HPCAL1: variants seen among roughly 807,000 people sequenced by gnomAD.
HPCAL1 encodes hippocalcin-like protein 1.
A neutral mutation model predicts 17.1 loss-of-function variants in HPCAL1; 8 were observed. That is an observed-to-expected ratio of 0.47 (90% confidence interval 0.27 to 0.84). The LOEUF (loss-of-function observed/expected upper bound fraction) is 0.84, where lower values mean the gene tolerates loss of function less well. Ranked by LOEUF, HPCAL1 falls within the 40% of genes least tolerant of loss-of-function variation. HPCAL1 has a pLI of 0.13. For missense variants in HPCAL1, 165 were observed against 271.1 expected (o/e 0.61, Z 2.75); for synonymous variants, 112 against 111.4 (o/e 1.01, Z -0.03).
At chr2:10,349,563 C>T (rs1172735315) in intron 1 of HPCAL1, among the ~76,000 whole-genome samples, 1 of 151,286 alleles carries the variant, frequency 6.6e-6, no homozygotes, top group Non-Finnish European at 1.5e-5. Context: ...ATTAGCTGGG[C>T]GTGGTGGCGG....
intron 1 of HPCAL1, among the ~76,000 whole-genome samples, chr2:10,313,609 G>A (rs527429739): frequency 3.3e-5 from 5 of 152,314 alleles, no homozygotes; most frequent in African/African-American, 1.2e-4. Flanking sequence ...GGTTGGCAGA[G>A]TGACTCCCAT....
rs1484752709 is a variant in HPCAL1 at position 10,359,309 on chromosome 2, G to GAAAA, written c.-110-37525_-110-37524insAAAA. ...GAGGTGGGCAGCTGGGGGCTCTCTGGACCCTGCGGCTGGCATGGGTTAGTG... is the reference window on the plus strand; with the variant it reads ...GAGGTGGGCAGCTGGGGGCTCTCTGGAAAAACCCTGCGGCTGGCATGGGTTAGTG... On this transcript the variant is annotated intron_variant, in intron 1 of 4. Coordinates refer to ENST00000307845, the MANE Select transcript of HPCAL1 (RefSeq NM_002149.4). The surrounding 1 kb of genome is among the most constrained non-coding windows in gnomAD (Gnocchi z 4.1). Among the ~76,000 whole-genome samples the GAAAA allele has an allele frequency of 6.6e-6, 1 of 152,190 alleles. No homozygotes were observed. The highest frequency in any genetic ancestry group is 1.5e-5 in the Non-Finnish European group (1 of 68,024).
At chr2:10,333,381 C>T (rs1055094034) in intron 1 of HPCAL1, among the ~76,000 whole-genome samples, 6 of 152,146 alleles carry the variant, frequency 3.9e-5, no homozygotes, top group African/African-American at 1.4e-4. Flanking sequence ...ACAACTTCCT[C>T]CTTTCAGCAA....
At chr2:10,357,510 T>C (rs1434703619) in intron 1 of HPCAL1, among the ~76,000 whole-genome samples, 1 of 152,172 alleles carries the variant, frequency 6.6e-6, no homozygotes, top group East Asian at 1.9e-4. Flanking sequence ...CATGGCAGAA[T>C]TCTGCTCTGA....
At chr2:10,368,333 C>T (rs971794956) in intron 1 of HPCAL1, among the ~76,000 whole-genome samples, 2 of 149,814 alleles carry the variant, frequency 1.3e-5, no homozygotes, top group Admixed American at 6.6e-5. Flanking sequence ...GGTGTGTGTG[C>T]AGTGTGTGTA....
At chr2:10,305,510 T>C (rs1662565942) in intron 1 of HPCAL1, among the ~76,000 whole-genome samples, 2 of 152,244 alleles carry the variant, frequency 1.3e-5, no homozygotes, top group Non-Finnish European at 2.9e-5. Flanking sequence ...TAGCCTTGCC[T>C]GCTCCCTCTG....
intron 1 of HPCAL1, among the ~76,000 whole-genome samples, chr2:10,329,857 G>A (rs1664247744): frequency 6.6e-6 from 1 of 152,230 alleles, no homozygotes; most frequent in African/African-American, 2.4e-5. Flanking sequence ...ACATCAGCTC[G>A]GCCTCAGATT....
chr2:10,407,070 C>T (rs567549841), intron 2 of HPCAL1, among the ~76,000 whole-genome samples: 1 of 152,230 alleles, frequency 6.6e-6, no homozygotes, highest in East Asian at 1.9e-4. Context: ...TGGAGAGTAG[C>T]AGGAAGTCCC....
chr2:10,358,654 A>G (rs552341837), intron 1 of HPCAL1, among the ~76,000 whole-genome samples: 22 of 152,248 alleles, frequency 1.4e-4, no homozygotes, highest in African/African-American at 5.3e-4. Flanking sequence ...AAGAGCACAC[A>G]ACAGATGCCG....
At chr2:10,357,139 AG>A (rs1164773930) in intron 1 of HPCAL1, among the ~76,000 whole-genome samples, 2 of 152,126 alleles carry the variant, frequency 1.3e-5, no homozygotes, top group African/African-American at 2.4e-5. Flanking sequence ...GATGCTGTCC[AG>A]GCTTGACGTA....
At chr2:10,332,335 T>C (rs1664435440) in intron 1 of HPCAL1, among the ~76,000 whole-genome samples, 1 of 152,208 alleles carries the variant, frequency 6.6e-6, no homozygotes, top group Admixed American at 6.5e-5. Flanking sequence ...GATGTTCTCC[T>C]TTTTTCAAAG....
At position 10,304,781 on chromosome 2, in the gene HPCAL1, T is replaced by A. The variant is rs574580620; in HGVS notation, c.-111+1604T>A. ...CCTTCATCGCCTTGGTGTCTTTCTC[T>A]GGGGGAAAAAAATCGCCTTTAACCA... On this transcript the variant is annotated intron_variant, in intron 1 of 4. Coordinates refer to ENST00000307845, the MANE Select transcript of HPCAL1 (RefSeq NM_002149.4). This position sits in a 1 kb window ranked among gnomAD's most constrained non-coding sequence, Gnocchi z 4.1. Among the ~76,000 whole-genome samples the A allele has an allele frequency of 6.6e-6, 1 of 152,108 alleles. No homozygotes were observed. Among genetic ancestry groups the A allele is most frequent in the Non-Finnish European group, 1.5e-5 (1 of 68,034 alleles).
At chr2:10,356,455 G>T (rs1666163379) in intron 1 of HPCAL1, among the ~76,000 whole-genome samples, 1 of 152,160 alleles carries the variant, frequency 6.6e-6, no homozygotes, top group Admixed American at 6.5e-5. Flanking sequence ...TGCCAGGACG[G>T]TGGGACTCAG....
Position 10,310,057 on chromosome 2 carries a change from G to A in HPCAL1, c.-111+6880G>A, listed in dbSNP as rs1250366650. ...GTCTTTGCTCTGTTGTTTATTGGCTGGTGATGGTCTCTGAATCTGTTTGCT... is the reference window on the plus strand; with the variant it reads ...GTCTTTGCTCTGTTGTTTATTGGCTAGTGATGGTCTCTGAATCTGTTTGCT... On this transcript the variant is annotated intron_variant, in intron 1 of 4. Coordinates refer to ENST00000307845, the MANE Select transcript of HPCAL1 (RefSeq NM_002149.4). This position sits in a 1 kb window ranked among gnomAD's most constrained non-coding sequence, Gnocchi z 4.5. Among the ~76,000 whole-genome samples, 1 of 152,320 alleles carries A rather than the reference G, an allele frequency of 6.6e-6. No individual in the cohort carries two copies. Among genetic ancestry groups the A allele is most frequent in the East Asian group, 1.9e-4 (1 of 5,180 alleles).
rs1045269745 is a variant in HPCAL1, at chr2:10,384,616, C to G, written c.-110-12219C>G. On this transcript the variant is annotated intron_variant, in intron 1 of 4. Coordinates refer to ENST00000307845, the MANE Select transcript of HPCAL1 (RefSeq NM_002149.4). The surrounding 1 kb of genome is among the most constrained non-coding windows in gnomAD (Gnocchi z 4.4). ...GGGAGGTGCTCAGTGCTATGAAAGC[C>G]AGCAGCTGGGAGTTTCAGGGGCTTC... Among the ~76,000 whole-genome samples the G allele has an allele frequency of 6.6e-6, 1 of 152,118 alleles. No individual in the cohort carries two copies. Among genetic ancestry groups the G allele is most frequent in the Non-Finnish European group, 1.5e-5 (1 of 68,018 alleles).
chr2:10,343,240 C>T lies in HPCAL1; in HGVS notation c.-111+40063C>T, dbSNP rs1665205224. Among the ~76,000 whole-genome samples the T allele has an allele frequency of 6.6e-6, 1 of 152,168 alleles. No individual in the cohort carries two copies. Among genetic ancestry groups the T allele is most frequent in the African/African-American group, 2.4e-5 (1 of 41,438 alleles). ...CTGGACCTCTAGCACACCATGGAGG[C>T]CTGCCCCGTCCCCATAAAACACACC... On this transcript the variant is annotated intron_variant, in intron 1 of 4. Transcript: ENST00000307845. The surrounding 1 kb of genome is among the most constrained non-coding windows in gnomAD (Gnocchi z 4.8).
intron 2 of HPCAL1, among the ~76,000 whole-genome samples, chr2:10,402,018 G>C (rs534052950): frequency 6.6e-6 from 1 of 152,294 alleles, no homozygotes; most frequent in Non-Finnish European, 1.5e-5. Flanking sequence ...CTCTGCCTCA[G>C]CCTCCTGAGT....
intron 1 of HPCAL1, among the ~76,000 whole-genome samples, chr2:10,380,320 G>C (rs528411575): frequency 5.3e-5 from 8 of 152,290 alleles, no homozygotes; most frequent in Non-Finnish European, 1.0e-4. Flanking sequence ...CCATCTTAGT[G>C]GGCACACCAG....
Position 10,310,177 on chromosome 2 carries a change from G to A in HPCAL1, c.-111+7000G>A, listed in dbSNP as rs1417558122. Among the ~76,000 whole-genome samples, 1 of 152,142 alleles carries A rather than the reference G, an allele frequency of 6.6e-6. No homozygotes were observed. The highest frequency in any genetic ancestry group is 1.5e-5 in the Non-Finnish European group (1 of 68,032). On this transcript the variant is annotated intron_variant, in intron 1 of 4. Transcript: ENST00000307845. This position sits in a 1 kb window ranked among gnomAD's most constrained non-coding sequence, Gnocchi z 4.5. The stretch of plus-strand genomic sequence containing the variant: ...AGATGTGGCAGACTGGGTTTGAACT[G>A]TAGTCTTTGCTCTGTTTACTGGCTG...
Sources: gnomAD v4.1 joint callset for allele counts (sites outside exome capture counted in the v4.1 genomes callset) on GRCh38, gnomAD v4.1.1 for gene constraint, Gnocchi (gnomAD v3.1) non-coding constraint, MANE v1.5 for transcripts, NCBI Gene and HGNC (gene_info 2026-07-23, HGNC 2026-07-21) for gene names.